NOL4L: variants seen among roughly 807,000 people sequenced by gnomAD.
NOL4L encodes the protein nucleolar protein 4 like.
Under a neutral mutation model 64.5 loss-of-function variants are expected in NOL4L, and 7 were observed. The observed-to-expected ratio is 0.11, with a 90% CI of 0.06 to 0.20. The LOEUF is 0.20. Ranked by LOEUF, NOL4L falls within the 10% of genes least tolerant of loss-of-function variation. The probability of loss-of-function intolerance (pLI) is 1.00; values close to 1 mark genes in which losing one functional copy is unlikely to be tolerated. For missense variants in NOL4L, 680 were observed against 967.1 expected (o/e 0.70, Z 3.94); for synonymous variants, 413 against 401.0 (o/e 1.03, Z -0.36).
At chr20:32,555,330 G>A (rs1335824863) in intron 1 of NOL4L, among the ~76,000 whole-genome samples, 1 of 151,994 alleles carries the variant, frequency 6.6e-6, no homozygotes, top group Non-Finnish European at 1.5e-5. Flanking sequence ...AATTTCTTCT[G>A]AGAGCAAGTT....
Position 32,462,819 on chromosome 20 carries a change from C to T in NOL4L, c.842-6424G>A, listed in dbSNP as rs2014193267. On this transcript the variant is annotated intron_variant, in intron 5 of 10. Transcript: ENST00000621426. Reference sequence around the variant, plus strand: ...ACTCAGGAGGCTGAGGCAGGAGAATCGCTTGAACCCGGGAGGTGGAGGTTG... The same window carrying T: ...ACTCAGGAGGCTGAGGCAGGAGAATTGCTTGAACCCGGGAGGTGGAGGTTG... Among the ~76,000 whole-genome samples the T allele has an allele frequency of 4.2e-5, 6 of 142,226 alleles. No individual in the cohort carries two copies. The East Asian group carries it at 7.3e-4, about 17-fold the overall frequency. 93.3% of individuals were successfully genotyped at this position (142,226 alleles called of 152,430 possible). A position where few individuals can be genotyped will look rare whatever the true frequency, so the allele number is the denominator to read the frequency against.
chr20:32,495,793 C>CA (rs2016664893), intron 4 of NOL4L, among the ~76,000 whole-genome samples: 1 of 152,018 alleles, frequency 6.6e-6, no homozygotes, highest in Non-Finnish European at 1.5e-5. Flanking sequence ...CCCATCCCTA[C>CA]AAAAAATACA....
chr20:32,488,732 CT>C (rs2016206068), intron 4 of NOL4L, among the ~76,000 whole-genome samples: 4 of 150,786 alleles, frequency 2.7e-5, no homozygotes, highest in South Asian at 2.1e-4. Flanking sequence ...TTCTTTCTTT[CT>C]TTTCTTTCTT....
rs999227887 is a variant in NOL4L at position 32,443,695 on chromosome 20, T to G, written c.*3901A>C. 2.6e-5 allele frequency: 4 copies of G among 152,232 alleles called. No individual in the cohort carries two copies. The highest frequency in any genetic ancestry group is 2.9e-5 in the Non-Finnish European group (2 of 68,048). 9.4% of individuals were successfully genotyped at this position (152,232 alleles called of 1,614,324 possible). ...AAATTATGCCAGAGGACTAAAGACC[T>G]CTTGGGTTGTCCCTAAATCCTGGAT... On this transcript the variant is annotated 3_prime_UTR_variant, in exon 11 of 11. Coordinates refer to ENST00000621426, the MANE Select transcript of NOL4L (RefSeq NM_001256798.2).
intron 1 of NOL4L, chr20:32,561,219 A>C (rs1200314225): frequency 6.6e-6 from 1 of 152,174 alleles, no homozygotes; most frequent in Non-Finnish European, 1.5e-5. Flanking sequence ...GCCCCCTGTC[A>C]CCAGGGACCA....
intron 4 of NOL4L, among the ~76,000 whole-genome samples, chr20:32,498,229 C>T (rs2016775031): frequency 6.6e-6 from 1 of 152,152 alleles, no homozygotes; most frequent in African/African-American, 2.4e-5. Context: ...AAAGAAAAGA[C>T]ACAGACCTCT....
intron 4 of NOL4L, among the ~76,000 whole-genome samples, chr20:32,488,193 G>A (rs898462260): frequency 3.9e-5 from 6 of 152,190 alleles, no homozygotes; most frequent in African/African-American, 1.2e-4. Flanking sequence ...GCCTTCCAAA[G>A]ACCCACTATG....
intron 1 of NOL4L, among the ~76,000 whole-genome samples, chr20:32,569,906 A>C (rs565612310): frequency 1.3e-5 from 2 of 152,296 alleles, no homozygotes; most frequent in Admixed American, 1.3e-4. Flanking sequence ...TGAACAAATC[A>C]ATGAATGAAT....
intron 4 of NOL4L, chr20:32,483,607 GC>G: frequency 6.0e-6 from 2 of 333,812 alleles, no homozygotes; most frequent in Non-Finnish European, 7.4e-6. Flanking sequence ...GGGGGAGGGG[GC>G]ACCGGGCACG....
At chr20:32,533,198 G>C (rs1310750620) in intron 1 of NOL4L, among the ~76,000 whole-genome samples, 1 of 152,154 alleles carries the variant, frequency 6.6e-6, no homozygotes, top group Non-Finnish European at 1.5e-5. Context: ...CTTAACACCA[G>C]CCCATTTGGG....
At chr20:32,564,748 C>A (rs1330590504) in intron 1 of NOL4L, among the ~76,000 whole-genome samples, 2 of 152,234 alleles carry the variant, frequency 1.3e-5, no homozygotes, top group Non-Finnish European at 2.9e-5. Flanking sequence ...AGGTGCTGCA[C>A]AAAGGTGGGC....
At position 32,464,680 on chromosome 20, in the gene NOL4L, C is replaced by CG. The variant is rs1286569451; in HGVS notation, c.842-8286dup. Reference sequence around the variant, plus strand: ...AGGTGCCAATTTAGGCCCTCACAGTCGGGAGCAGCACTGTCCGACAGAAAC... The same window carrying CG: ...AGGTGCCAATTTAGGCCCTCACAGTCGGGGAGCAGCACTGTCCGACAGAAAC... On this transcript the variant is annotated intron_variant, in intron 5 of 10. Transcript: ENST00000621426. This position sits in a 1 kb window ranked among gnomAD's most constrained non-coding sequence, Gnocchi z 5.6. 2.6e-5 allele frequency: 6 copies of CG among 227,382 alleles called. No homozygotes were observed. Among genetic ancestry groups the CG allele is most frequent in the Non-Finnish European group, 5.1e-5 (6 of 117,462 alleles). The allele number at this position is 227,382 out of a possible 1,614,324, so 14.1% of individuals were successfully genotyped here.
chr20:32,477,750 C>T (rs1422100240), intron 4 of NOL4L, among the ~76,000 whole-genome samples: 2 of 152,220 alleles, frequency 1.3e-5, no homozygotes, highest in African/African-American at 2.4e-5. Context: ...CTGCCGCTGC[C>T]AGCCACCCCA....
intron 1 of NOL4L, among the ~76,000 whole-genome samples, chr20:32,554,056 C>T (rs991532704): frequency 3.3e-5 from 5 of 152,162 alleles, no homozygotes; most frequent in Non-Finnish European, 7.3e-5. Flanking sequence ...CGCGGTGGCT[C>T]ACACCTGTAA....
intron 5 of NOL4L, among the ~76,000 whole-genome samples, chr20:32,468,967 G>A (rs1230248162): frequency 6.6e-6 from 1 of 151,728 alleles, no homozygotes; most frequent in Non-Finnish European, 1.5e-5. Context: ...TCCTTCCACA[G>A]GAGTGGCCAA....
chr20:32,452,405 C>G lies in NOL4L; in HGVS notation c.1653G>C (p.Ser551=). 6.2e-7 allele frequency: 1 copy of G among 1,609,028 alleles called. No individual in the cohort carries two copies. The highest frequency in any genetic ancestry group is 2.2e-5 in the East Asian group (1 of 44,674). Residue 551 remains serine, a synonymous_variant, in exon 10 of 11, where the codon TCG becomes TCC. Coordinates refer to ENST00000621426, the MANE Select transcript of NOL4L (RefSeq NM_001256798.2). ...AGTGGGTGATGGCTGCGGAGTCCCG[C>G]GAGTGCTGCTTGTCCAGGGCTATGG... is the stretch of plus-strand genomic sequence containing the variant. The part of the protein sequence containing the change: ...DEPIALDKQH[S]RDSAAITHST...
At chr20:32,491,622 G>A (rs1046378844) in intron 4 of NOL4L, among the ~76,000 whole-genome samples, 2 of 152,130 alleles carry the variant, frequency 1.3e-5, no homozygotes, top group Non-Finnish European at 2.9e-5. Context: ...TGAAGTCTTC[G>A]ATAGAGCTCA....
At chr20:32,532,981 A>G (rs559229707) in intron 1 of NOL4L, among the ~76,000 whole-genome samples, 1 of 152,318 alleles carries the variant, frequency 6.6e-6, no homozygotes, top group African/African-American at 2.4e-5. Flanking sequence ...AGACATGGCA[A>G]TAGTTTTAAA....
At chr20:32,541,472 C>G (rs532403008) in intron 1 of NOL4L, among the ~76,000 whole-genome samples, 2 of 152,350 alleles carry the variant, frequency 1.3e-5, no homozygotes, top group South Asian at 4.1e-4. Flanking sequence ...TGGACATGAG[C>G]CAAGCTCCAG....
Sources: allele counts gnomAD v4.1 joint callset (sites outside exome capture counted in the v4.1 genomes callset), GRCh38; gene constraint gnomAD v4.1.1; non-coding constraint Gnocchi (gnomAD v3.1); transcripts MANE v1.5; gene names NCBI Gene and HGNC (gene_info 2026-07-23, HGNC 2026-07-21).